The following ADGRL3 variants were observed in gnomAD, a reference collection of about 807,000 sequenced individuals.
ADGRL3 encodes the protein adhesion G protein-coupled receptor L3, also known as calcium-independent alpha-latrotoxin receptor 3.
Under a neutral mutation model 153.5 loss-of-function variants are expected in ADGRL3, and 62 were observed. That is an observed-to-expected ratio of 0.40 (90% CI 0.33 to 0.50). ADGRL3 has a LOEUF of 0.50. Ranked by LOEUF, ADGRL3 falls within the 20% of genes least tolerant of loss-of-function variation. The pLI, the probability that ADGRL3 is intolerant of heterozygous loss-of-function variation, is 0.47. For synonymous variants in ADGRL3, 710 were observed against 672.5 expected (o/e 1.06, Z -0.86); for missense variants, 1,641 against 1,859.4 (o/e 0.88, Z 2.16).
chr4:61,873,775 A>G (rs978942921), intron 9 of ADGRL3, among the ~76,000 whole-genome samples: 1 of 152,068 alleles, frequency 6.6e-6, no homozygotes, highest in African/African-American at 2.4e-5. Context: ...TTTCCCTTCC[A>G]AAGGACATTT....
intron 1 of ADGRL3, among the ~76,000 whole-genome samples, chr4:61,233,588 C>G (rs1751652100): frequency 6.6e-6 from 1 of 151,990 alleles, no homozygotes; most frequent in Non-Finnish European, 1.5e-5. Context: ...TCAATATATA[C>G]AGGGTAGTTA....
At position 61,518,158 on chromosome 4, in the gene ADGRL3, C is replaced by T. The variant is rs141633074; in HGVS notation, c.259+640C>T. ...CAAAACTTAGTACTTACTCTTTTCC[C>T]GAACACTTTACATTTTATTTTTTAT... On this transcript the variant is annotated intron_variant, in intron 4 of 26. Transcript: ENST00000683033. 3.6e-4 allele frequency among the ~76,000 whole-genome samples: 55 copies of T among 152,242 alleles called. No homozygotes were observed. The East Asian group carries it at 9.1e-3, about 25-fold the overall frequency.
intron 25 of ADGRL3, among the ~76,000 whole-genome samples, chr4:62,067,620 T>G (rs2151911857): frequency 6.6e-6 from 1 of 152,046 alleles, no homozygotes; most frequent in Admixed American, 6.6e-5. Flanking sequence ...AATAGAGAAA[T>G]AACTTTTGTG....
chr4:61,618,017 G>A lies in ADGRL3; in HGVS notation c.473+30577G>A, dbSNP rs551853325. 2.3e-4 allele frequency among the ~76,000 whole-genome samples: 35 copies of A among 152,260 alleles called. 1 individual carries two copies. In the South Asian group the frequency reaches 6.2e-3, roughly 27 times the overall value. ...GCTTCAATGACAGTAACACATTTGA[G>A]AGAGAGTCTAGTGGGGGATAAAGTC... On this transcript the variant is annotated intron_variant, in intron 5 of 26. Coordinates refer to ENST00000683033, the MANE Select transcript of ADGRL3 (RefSeq NM_001387552.1).
At chr4:61,878,873 A>G (rs1366691295) in intron 9 of ADGRL3, among the ~76,000 whole-genome samples, 5 of 152,160 alleles carry the variant, frequency 3.3e-5, no homozygotes, top group Non-Finnish European at 5.9e-5. Context: ...GTATGAGTAG[A>G]ATTCCATTAT....
intron 3 of ADGRL3, among the ~76,000 whole-genome samples, chr4:61,513,180 T>C (rs977094002): frequency 6.6e-6 from 1 of 152,116 alleles, no homozygotes; most frequent in East Asian, 1.9e-4. Context: ...AGCTGAATAA[T>C]TGACTGAATT....
intron 24 of ADGRL3, among the ~76,000 whole-genome samples, chr4:62,038,599 A>G (rs1726399993): frequency 6.6e-6 from 1 of 151,946 alleles, no homozygotes; most frequent in South Asian, 2.1e-4. Context: ...CTAGCAAACT[A>G]GTATTATTTG....
At chr4:61,856,950 CTCTTTCTTTCTTTCTTTCTT>C (rs55713412) in intron 9 of ADGRL3, among the ~76,000 whole-genome samples, 55 of 56,998 alleles carry the variant, frequency 9.6e-4, no homozygotes, top group South Asian at 9.0e-3. Flanking sequence ...CTTTCTTCTT[CTCTTTCTTTCTTTCTTTCTT>C]TCTTTCTTTC....
chr4:61,697,201 G>C (rs537266519), intron 6 of ADGRL3, among the ~76,000 whole-genome samples: 2 of 152,054 alleles, frequency 1.3e-5, no homozygotes, highest in Non-Finnish European at 2.9e-5. Flanking sequence ...TGATGGATGG[G>C]TAAAATCCAA....
intron 5 of ADGRL3, among the ~76,000 whole-genome samples, chr4:61,605,149 A>G (rs2099027575): frequency 6.6e-6 from 1 of 150,764 alleles, no homozygotes; most frequent in Non-Finnish European, 1.5e-5. Context: ...GTATATTATG[A>G]TCACAAAATC....
At chr4:61,659,517 A>G (rs890246352) in intron 5 of ADGRL3, among the ~76,000 whole-genome samples, 2 of 152,174 alleles carry the variant, frequency 1.3e-5, no homozygotes, top group African/African-American at 4.8e-5. Context: ...CTAATTTGCT[A>G]TTTAAAAAAC....
chr4:61,902,951 C>T (rs1242342290), intron 11 of ADGRL3, among the ~76,000 whole-genome samples: 1 of 152,042 alleles, frequency 6.6e-6, no homozygotes, highest in Non-Finnish European at 1.5e-5. Context: ...CAACACTGAC[C>T]TTAGCACAGG....
At chr4:61,587,169 A>T (rs931989323) in intron 4 of ADGRL3, 58 bp from the exon 5 acceptor site, 1 of 1,153,016 alleles carries the variant, frequency 8.7e-7, no homozygotes, top group Non-Finnish European at 1.3e-6. Flanking sequence ...GAACACATGT[A>T]ATTTTCCTTT....
At chr4:62,033,300 T>C (rs994604708) in intron 23 of ADGRL3, among the ~76,000 whole-genome samples, 3 of 151,870 alleles carry the variant, frequency 2.0e-5, no homozygotes, top group Non-Finnish European at 4.4e-5. Context: ...TGGTACCACC[T>C]AAACTGCAAG....
At chr4:61,894,099 T>G (rs1196362098) in intron 10 of ADGRL3, among the ~76,000 whole-genome samples, 3 of 152,228 alleles carry the variant, frequency 2.0e-5, no homozygotes, top group African/African-American at 7.2e-5. Flanking sequence ...AAAGGTATTC[T>G]GATTTTCTTA....
rs899619218 is a variant in ADGRL3 at position 61,259,422 on chromosome 4, CAAAATAAA to C, written c.-240+57658_-240+57665del. Reference sequence around the variant, plus strand: ...TGGGCGACAGAGTGAGACTCTGTCTCAAAATAAATAAATAAATAAATAAATAAATAAAT... The same window carrying C: ...TGGGCGACAGAGTGAGACTCTGTCTCTAAATAAATAAATAAATAAATAAAT... On this transcript the variant is annotated intron_variant, in intron 1 of 26. Coordinates refer to ENST00000683033, the MANE Select transcript of ADGRL3 (RefSeq NM_001387552.1). 1.6e-4 allele frequency among the ~76,000 whole-genome samples: 18 copies of C among 109,400 alleles called. No homozygotes were observed. The South Asian group carries it at 5.2e-3, about 32-fold the overall frequency. 71.8% of individuals were successfully genotyped at this position (109,400 alleles called of 152,430 possible).
intron 1 of ADGRL3, among the ~76,000 whole-genome samples, chr4:61,381,512 G>A (rs1178572456): frequency 1.3e-5 from 2 of 151,960 alleles, no homozygotes; most frequent in Non-Finnish European, 2.9e-5. Flanking sequence ...AGGTATAGGA[G>A]TGTCAGGGAA....
intron 1 of ADGRL3, among the ~76,000 whole-genome samples, chr4:61,371,636 C>G (rs547114367): frequency 6.6e-6 from 1 of 151,948 alleles, no homozygotes; most frequent in Non-Finnish European, 1.5e-5. Flanking sequence ...GAGGGTAACC[C>G]GACCTTTCTC....
intron 5 of ADGRL3, among the ~76,000 whole-genome samples, chr4:61,664,812 G>A (rs1438345274): frequency 2.6e-5 from 4 of 152,120 alleles, no homozygotes; most frequent in Non-Finnish European, 5.9e-5. Context: ...TCATTAGACA[G>A]GGGAACTTGA....
Sources: allele counts gnomAD v4.1 joint callset (sites outside exome capture counted in the v4.1 genomes callset), GRCh38; gene constraint gnomAD v4.1.1; transcripts MANE v1.5; gene names NCBI Gene and HGNC (gene_info 2026-07-23, HGNC 2026-07-21).